NEB: variants seen among roughly 807,000 people sequenced by gnomAD.
NEB encodes the protein nemaline myopathy type 2.
In NEB, 512 loss-of-function variants were observed where a neutral mutation model predicts 952.2. That is an observed-to-expected ratio of 0.54 (90% confidence interval 0.50 to 0.58). NEB has a LOEUF of 0.58. Among genes scored for constraint, NEB ranks in the 20% least tolerant of loss-of-function variants. The probability of loss-of-function intolerance (pLI) is 0.00; values close to 1 mark genes in which losing one functional copy is unlikely to be tolerated. For missense variants in NEB, 8,428 were observed against 9,231.1 expected, an observed-to-expected ratio of 0.91 and a Z score of 3.56; for synonymous variants, 2,900 against 3,149.8, an observed-to-expected ratio of 0.92 and a Z score of 2.66.
At chr2:151,497,581 C>T (rs1378526167) in intron 171 of NEB, 45 bp downstream of exon 171, 27 of 1,538,820 alleles carry the variant, frequency 1.8e-5, no homozygotes, top group Non-Finnish European at 2.2e-5. Flanking sequence ...TGAAAGTTTT[C>T]AAAATCATTA....
intron 29 of NEB, 35 bp downstream of exon 29, chr2:151,682,627 C>T: frequency 6.6e-7 from 1 of 1,512,640 alleles, no homozygotes. Context: ...ACAACACAGT[C>T]ACCACTCTCC....
chr2:151,727,221 T>C (rs1389520825), intron 5 of NEB, among the ~76,000 whole-genome samples: 1 of 152,218 alleles, frequency 6.6e-6, no homozygotes, highest in East Asian at 1.9e-4. Context: ...CAATTTCAAA[T>C]GAGTTCTTAG....
intron 3 of NEB, among the ~76,000 whole-genome samples, chr2:151,732,218 T>C (rs1026026542): frequency 8.5e-5 from 13 of 152,294 alleles, no homozygotes; most frequent in African/African-American, 2.4e-4. Context: ...TCATCATTAA[T>C]TGGTAATTAT....
Position 151,540,785 on chromosome 2 carries a change from A to C in NEB, c.20699T>G (p.Leu6900Arg). 6.2e-7 allele frequency: 1 copy of C among 1,612,910 alleles called. No homozygotes were observed. The highest frequency in any genetic ancestry group is 8.5e-7 in the Non-Finnish European group (1 of 1,179,070). ...KLQSQYLYVE[L>R]ATKERPHHHA... ...ATGATGGGGTCTCTCTTTGGTGGCA[A>C]GTTCAACATACAGATACTGAATAAT... is the stretch of plus-strand genomic sequence containing the variant. Residue 6900 changes from leucine (L) to arginine (R), a missense_variant, in exon 137 of 182, where the codon CTT (leucine) becomes CGT (arginine). Physicochemically the swap from Leu to Arg is moderately radical, Grantham distance 102. Around this residue, in one of 11 missense-constraint regions of NEB, gnomAD observed 3,374 missense variants for 3,651.5 expected, o/e 0.92. Transcript: ENST00000397345.
chr2:151,696,447 T>C (rs576575365), intron 17 of NEB, among the ~76,000 whole-genome samples, 190 bp downstream of exon 17: 3 of 152,338 alleles, frequency 2.0e-5, no homozygotes, highest in Admixed American at 2.0e-4. Context: ...CTTCACAGAA[T>C]TGTTTCACTG....
chr2:151,634,107 C>G (rs1238871996), intron 64 of NEB, 142 bp from the exon 65 acceptor site: 1 of 982,288 alleles, frequency 1.0e-6, no homozygotes, highest in Non-Finnish European at 1.5e-6. Context: ...GGCTTTCATC[C>G]TGGAAGCCCT....
intron 48 of NEB, among the ~76,000 whole-genome samples, chr2:151,656,799 C>T (rs1312193849): frequency 1.3e-5 from 2 of 151,030 alleles, no homozygotes; most frequent in East Asian, 2.0e-4. Flanking sequence ...ATGTACTTTG[C>T]TGTTAGTGCT....
chr2:151,715,115 G>A (rs1027975848), intron 10 of NEB, among the ~76,000 whole-genome samples: 1 of 152,194 alleles, frequency 6.6e-6, no homozygotes, highest in African/African-American at 2.4e-5. Context: ...GCCAGTTCTG[G>A]CAATGCTTTC....
intron 12 of NEB, 132 bp downstream of exon 12, chr2:151,709,524 A>T (rs1255705602): frequency 2.6e-5 from 16 of 618,344 alleles, no homozygotes; most frequent in Non-Finnish European, 2.8e-6. Flanking sequence ...CCTCACATCC[A>T]CTGGTCTCAG....
intron 158 of NEB, 79 bp downstream of exon 158, chr2:151,514,739 G>T: frequency 1.9e-6 from 2 of 1,032,648 alleles, no homozygotes; most frequent in Non-Finnish European, 2.8e-6. Flanking sequence ...GATGTAAATG[G>T]TAGGAGGAAC....
chr2:151,567,180 G>A lies in NEB; in HGVS notation c.18144C>T (p.Asp6048=), dbSNP rs1319860549. The A allele has an allele frequency of 4.0e-5, 64 of 1,604,908 alleles. No individual in the cohort carries two copies. The East Asian group carries it at 1.4e-3, about 36-fold the overall frequency. The change falls in exon 114 of 182, where the codon GAC becomes GAT. Residue 6048 remains aspartate (D), a synonymous_variant. Transcript: ENST00000397345. ...AAAAATCACTTACATCACTCTGTAG[G>A]TCATAGGCCTTTCTTGCCTGAATAA... ...NDVIQARKAY[D]LQSDNVYRAD... is the part of the protein sequence containing the mutation.
rs772584927 is a variant in NEB at position 151,502,805 on chromosome 2, C to A, written c.23916G>T (p.Glu7972Asp). Residue 7972 changes from glutamate (E) to aspartate (D), a missense_variant, in exon 167 of 182, where the codon GAG (glutamate) becomes GAT (aspartate). Glu to Asp is a conservative substitution (Grantham distance 45). Coordinates refer to ENST00000397345, the MANE Select transcript of NEB (RefSeq NM_001164508.2). ...PEMERVKRNQ[E>D]NFSSILYKEN... ...CCCTAAGAAATACCGAGCTAAAGTT[C>A]TCTTGATTGCGTTTGACTCTCTCCA... The A allele has an allele frequency of 2.5e-6, 4 of 1,590,198 alleles. No homozygotes were observed. Among genetic ancestry groups the A allele is most frequent in the African/African-American group, 1.4e-5 (1 of 72,694 alleles).
intron 121 of NEB, among the ~76,000 whole-genome samples, chr2:151,561,802 T>A (rs2096080256): frequency 6.6e-6 from 1 of 152,100 alleles, no homozygotes; most frequent in South Asian, 2.1e-4. Context: ...TGCTTCTACC[T>A]CCTACTCTCT....
In NEB at chr2:151,526,139, A is replaced by C; in HGVS notation, c.22050+19T>G. On this transcript the variant is annotated intron_variant, in intron 149 of 181. Coordinates refer to ENST00000397345, the MANE Select transcript of NEB (RefSeq NM_001164508.2). ...TTCTCCCAAGAGGGAAGCAGAACTC[A>C]TGGGCGGCTGGGGGTTACCTCAGAC... The C allele has an allele frequency of 1.2e-6, 2 of 1,612,310 alleles. No individual in the cohort carries two copies. The highest frequency in any genetic ancestry group is 1.7e-6 in the Non-Finnish European group (2 of 1,178,296).
At chr2:151,638,656 T>C (rs1027867334) in intron 63 of NEB, among the ~76,000 whole-genome samples, 2 of 152,210 alleles carry the variant, frequency 1.3e-5, no homozygotes, top group Non-Finnish European at 2.9e-5. Flanking sequence ...AAAACCTATT[T>C]GTGGGGAGGG....
intron 78 of NEB, 133 bp from the exon 79 acceptor site, chr2:151,610,999 T>A (rs2097929517): frequency 1.7e-6 from 1 of 574,044 alleles, no homozygotes; most frequent in South Asian, 3.1e-5. Flanking sequence ...TTCTAATGCT[T>A]TTGGGAGGTG....
chr2:151,639,190 T>C (rs1164951124), intron 63 of NEB, 90 bp downstream of exon 63: 1 of 1,036,012 alleles, frequency 9.7e-7, no homozygotes, highest in African/African-American at 1.6e-5. Context: ...AAAAGATTCT[T>C]TCTAAAGCTG....
Position 151,552,671 on chromosome 2 carries a change from C to T in NEB, c.19836+1G>A, listed in dbSNP as rs1446930968. On this transcript the variant is annotated splice_donor_variant, in intron 128 of 181. Coordinates refer to ENST00000397345, the MANE Select transcript of NEB (RefSeq NM_001164508.2). LOFTEE classifies it high-confidence loss of function. The stretch of plus-strand genomic sequence containing the variant: ...ACTTAACTTCCCCAGTGATCACTTA[C>T]GTCACTTAGCTGTTTCCCACTTTTG... 5.0e-6 allele frequency: 8 copies of T among 1,606,586 alleles called. No homozygotes were observed. The highest frequency in any genetic ancestry group is 2.7e-5 in the African/African-American group (2 of 74,752).
At position 151,655,959 on chromosome 2, in the gene NEB, AG is replaced by A. The variant is rs1367818141; in HGVS notation, c.6559del (p.Leu2187TrpfsTer30). 1 of 1,613,734 alleles carries A rather than the reference AG, an allele frequency of 6.2e-7. No individual in the cohort carries two copies. The highest frequency in any genetic ancestry group is 1.7e-5 in the Admixed American group (1 of 59,950). On this transcript the variant is annotated frameshift_variant, in exon 50 of 182. Transcript: ENST00000397345. LOFTEE classifies it high-confidence loss of function. ...TGCTTTCTTGGCCTTCTCCACTTCC[AG>A]AGAACCTGCTGGACTCCAGCCAAGC... ...KGLGWSPAGS[L>X]EVEKAKKATE...
Sources: gnomAD v4.1 joint callset for allele counts (sites outside exome capture counted in the v4.1 genomes callset) on GRCh38, gnomAD v4.1.1 for gene constraint, gnomAD v4.1.1 regional missense constraint, MANE v1.5 for transcripts, NCBI Gene and HGNC (gene_info 2026-07-23, HGNC 2026-07-21) for gene names.